Variants in CCDC192 observed in about 807,000 individuals in gnomAD.
CCDC192 encodes the protein coiled-coil domain containing 192.
chr5:127,772,398 C>T (rs139767582), intron 3 of CCDC192, among the ~76,000 whole-genome samples: 1 of 148,558 alleles, frequency 6.7e-6, no homozygotes, highest in African/African-American at 2.5e-5. Flanking sequence ...TGGGGGGGTG[C>T]GGACGTTGAG....
Position 127,868,999 on chromosome 5 carries a change from A to C in CCDC192, c.412-6539A>C, listed in dbSNP as rs149971249. ...GTATTTGCACCTAAAAATAGGATTTATAATACTTCTCTTTCATTGGCTTGC... is the reference window on the plus strand; with the variant it reads ...GTATTTGCACCTAAAAATAGGATTTCTAATACTTCTCTTTCATTGGCTTGC... On this transcript the variant is annotated intron_variant, in intron 5 of 6. Transcript: ENST00000514853. Among the ~76,000 whole-genome samples, 78 of 152,316 alleles carry C rather than the reference A, an allele frequency of 5.1e-4. No individual in the cohort carries two copies. In the East Asian group the frequency reaches 0.013, roughly 25 times the overall value.
At chr5:127,934,385 T>A (rs1754133126) in intron 6 of CCDC192, among the ~76,000 whole-genome samples, 1 of 152,236 alleles carries the variant, frequency 6.6e-6, no homozygotes, top group Admixed American at 6.5e-5. Flanking sequence ...ACATTTTAAT[T>A]CTTTTTAGTG....
chr5:127,820,573 C>T (rs1749240358), intron 5 of CCDC192, among the ~76,000 whole-genome samples: 1 of 152,144 alleles, frequency 6.6e-6, no homozygotes, highest in Non-Finnish European at 1.5e-5. Flanking sequence ...CAGAGTGAGA[C>T]TCCATCTCAA....
chr5:127,720,753 C>T (rs1227661318), intron 2 of CCDC192, among the ~76,000 whole-genome samples: 3 of 152,226 alleles, frequency 2.0e-5, no homozygotes, highest in African/African-American at 4.8e-5. Context: ...CCTCAACTCT[C>T]ATATTCTGCA....
intron 2 of CCDC192, among the ~76,000 whole-genome samples, chr5:127,716,790 T>G (rs1751646358): frequency 6.6e-6 from 1 of 152,184 alleles, no homozygotes; most frequent in Admixed American, 6.5e-5. Context: ...TGTGACCTCC[T>G]TGCTTTGATT....
intron 6 of CCDC192, among the ~76,000 whole-genome samples, chr5:127,877,661 G>T (rs895645397): frequency 2.0e-5 from 2 of 100,352 alleles, no homozygotes; most frequent in African/African-American, 7.5e-5. Context: ...ATATTAACTG[G>T]CATTCTCAGA....
chr5:127,815,037 T>G (rs901898727), intron 5 of CCDC192, among the ~76,000 whole-genome samples: 3 of 152,174 alleles, frequency 2.0e-5, no homozygotes, highest in Non-Finnish European at 4.4e-5. Context: ...TGAATAAATA[T>G]TATGACAGAA....
chr5:127,779,752 G>A (rs1756083207), intron 3 of CCDC192, among the ~76,000 whole-genome samples: 1 of 151,784 alleles, frequency 6.6e-6, no homozygotes, highest in East Asian at 1.9e-4. Flanking sequence ...TTTTTCCATA[G>A]GTTATTGGGG....
intron 6 of CCDC192, among the ~76,000 whole-genome samples, chr5:127,897,698 G>T (rs1561543998): frequency 6.6e-6 from 1 of 152,114 alleles, no homozygotes; most frequent in Non-Finnish European, 1.5e-5. Flanking sequence ...CCTTTAGAGA[G>T]GATTCTCATT....
chr5:127,886,257 G>C (rs1268861323), intron 6 of CCDC192, among the ~76,000 whole-genome samples: 1 of 152,154 alleles, frequency 6.6e-6, no homozygotes, highest in African/African-American at 2.4e-5. Flanking sequence ...ATGTTCCGGG[G>C]CTACTTTTTT....
chr5:127,912,194 T>C (rs943888418), intron 6 of CCDC192, among the ~76,000 whole-genome samples: 1 of 151,268 alleles, frequency 6.6e-6, no homozygotes, highest in Non-Finnish European at 1.5e-5. Context: ...CCTCCTAAAG[T>C]GCTGGGATTA....
At chr5:127,929,123 A>G (rs958429992) in intron 6 of CCDC192, among the ~76,000 whole-genome samples, 6 of 152,224 alleles carry the variant, frequency 3.9e-5, no homozygotes, top group African/African-American at 1.4e-4. Flanking sequence ...TGTTCTGAGA[A>G]TTATGTGATG....
At chr5:127,753,484 T>C (rs1211967005) in intron 2 of CCDC192, among the ~76,000 whole-genome samples, 2 of 151,696 alleles carry the variant, frequency 1.3e-5, no homozygotes, top group Non-Finnish European at 2.9e-5. Context: ...GATCACGAGG[T>C]CAGGATTTCA....
chr5:127,813,113 A>G (rs541360710), intron 5 of CCDC192, among the ~76,000 whole-genome samples: 44 of 152,326 alleles, frequency 2.9e-4, no homozygotes, highest in South Asian at 1.0e-3. Flanking sequence ...GAGCCCGTGC[A>G]GGGCGGAGAA....
At chr5:127,770,496 C>T (rs1755487565) in intron 3 of CCDC192, among the ~76,000 whole-genome samples, 1 of 152,326 alleles carries the variant, frequency 6.6e-6, no homozygotes, top group East Asian at 1.9e-4. Context: ...GACAGTGAGG[C>T]CTTTCTATCT....
chr5:127,863,107 A>G (rs535446875), intron 5 of CCDC192, among the ~76,000 whole-genome samples: 7 of 152,190 alleles, frequency 4.6e-5, no homozygotes, highest in Non-Finnish European at 1.0e-4. Context: ...ACAAAAAGTA[A>G]GTATTTTTGA....
chr5:127,838,104 G>C (rs915295441), intron 5 of CCDC192, among the ~76,000 whole-genome samples: 1 of 152,128 alleles, frequency 6.6e-6, no homozygotes, highest in African/African-American at 2.4e-5. Flanking sequence ...TCTCAACCCC[G>C]CATGGGTAAG....
At chr5:127,937,849 G>C (rs1490018352) in intron 6 of CCDC192, among the ~76,000 whole-genome samples, 1 of 152,210 alleles carries the variant, frequency 6.6e-6, no homozygotes, top group African/African-American at 2.4e-5. Context: ...TTTGACCAGG[G>C]GTGACACTAA....
intron 6 of CCDC192, among the ~76,000 whole-genome samples, chr5:127,939,182 A>G (rs975493738): frequency 8.5e-5 from 12 of 141,760 alleles, no homozygotes; most frequent in African/African-American, 3.0e-4. Context: ...CTGTGGCACA[A>G]TCTCAGCTCA....
Sources: allele counts gnomAD v4.1 joint callset (sites outside exome capture counted in the v4.1 genomes callset), GRCh38; gene constraint gnomAD v4.1.1; transcripts MANE v1.5; gene names NCBI Gene and HGNC (gene_info 2026-07-23, HGNC 2026-07-21).